Variants in HTR1F observed in about 807,000 individuals in gnomAD.
HTR1F encodes the protein 5-hydroxytryptamine (serotonin) receptor 1F, G protein-coupled.
In HTR1F, 17 loss-of-function variants were observed where a neutral mutation model predicts 24.0. The ratio of observed to expected loss-of-function variants is 0.71; its 90% CI spans 0.48 to 1.06. HTR1F has a LOEUF of 1.06. Ranked by LOEUF, HTR1F falls within the 50% of genes least tolerant of loss-of-function variation. The pLI, the probability that HTR1F is intolerant of heterozygous loss-of-function variation, is 0.00. For missense variants in HTR1F, 391 were observed against 427.8 expected (o/e 0.91, Z 0.76); for synonymous variants, 186 against 156.8 (o/e 1.19, Z -1.39).
At chr3:87,819,088 C>T (rs377292886) in intron 1 of HTR1F, among the ~76,000 whole-genome samples, 3 of 152,204 alleles carry the variant, frequency 2.0e-5, no homozygotes, top group Admixed American at 6.5e-5. Flanking sequence ...AAACACAGTT[C>T]AGTGACTTAT....
chr3:87,823,443 T>A (rs569878593), intron 2 of HTR1F, among the ~76,000 whole-genome samples: 9 of 152,258 alleles, frequency 5.9e-5, no homozygotes, highest in African/African-American at 2.2e-4. Context: ...GTTGGAACAC[T>A]TTAGGAATAC....
intron 2 of HTR1F, among the ~76,000 whole-genome samples, chr3:87,950,872 T>G (rs990548684): frequency 1.3e-5 from 2 of 152,188 alleles, no homozygotes; most frequent in African/African-American, 4.8e-5. Context: ...TAATGTCTAG[T>G]GATAAGCCTT....
At chr3:87,990,403 A>T (rs561188704) in intron 2 of HTR1F, among the ~76,000 whole-genome samples, 2 of 152,210 alleles carry the variant, frequency 1.3e-5, no homozygotes, top group African/African-American at 4.8e-5. Flanking sequence ...TGACATGGAC[A>T]AAGAGAAAAA....
intron 1 of HTR1F, among the ~76,000 whole-genome samples, chr3:87,800,166 G>C (rs1170014351): frequency 2.6e-5 from 4 of 152,074 alleles, no homozygotes; most frequent in Non-Finnish European, 4.4e-5. Context: ...TTAGGTATTA[G>C]TTCTGTCTCA....
chr3:87,828,087 C>A (rs1704501672), intron 2 of HTR1F, among the ~76,000 whole-genome samples: 1 of 152,178 alleles, frequency 6.6e-6, no homozygotes, highest in Non-Finnish European at 1.5e-5. Flanking sequence ...TTGTACTGTT[C>A]TCTCCCATAT....
chr3:87,797,583 A>G (rs1373400253), intron 1 of HTR1F, among the ~76,000 whole-genome samples: 12 of 152,188 alleles, frequency 7.9e-5, no homozygotes, highest in Middle Eastern at 3.2e-3. Context: ...CTGTTTTTAT[A>G]TACTTTAATA....
At chr3:87,826,809 T>C (rs553099894) in intron 2 of HTR1F, among the ~76,000 whole-genome samples, 44 of 152,054 alleles carry the variant, frequency 2.9e-4, no homozygotes, top group Non-Finnish European at 5.4e-4. Flanking sequence ...GTTGCTATCA[T>C]TATTATTATT....
intron 2 of HTR1F, among the ~76,000 whole-genome samples, chr3:87,956,774 AATTATTTGCT>A (rs1253958431): frequency 1.3e-5 from 2 of 151,270 alleles, no homozygotes; most frequent in Non-Finnish European, 3.0e-5. Context: ...TTCATTTACC[AATTATTTGCT>A]ATTATATAAA....
intron 2 of HTR1F, among the ~76,000 whole-genome samples, chr3:87,833,945 C>CTGATTGTCTTT (rs1302367408): frequency 5.3e-5 from 8 of 152,256 alleles, no homozygotes; most frequent in Non-Finnish European, 1.2e-4. Flanking sequence ...AAGTTCACTT[C>CTGATTGTCTTT]TGATTGTCTT....
At chr3:87,945,986 C>T (rs897241500) in intron 2 of HTR1F, among the ~76,000 whole-genome samples, 3 of 152,096 alleles carry the variant, frequency 2.0e-5, no homozygotes, top group African/African-American at 4.8e-5. Flanking sequence ...TCACGGATTA[C>T]AAGGAATGGA....
At chr3:87,846,519 G>GA (rs1013303962) in intron 2 of HTR1F, among the ~76,000 whole-genome samples, 1 of 151,858 alleles carries the variant, frequency 6.6e-6, no homozygotes, top group African/African-American at 2.4e-5. Context: ...TAATAAATGA[G>GA]AAAAATAAGG....
At chr3:87,956,064 C>A (rs1399931125) in intron 2 of HTR1F, among the ~76,000 whole-genome samples, 1 of 151,238 alleles carries the variant, frequency 6.6e-6, no homozygotes, top group Admixed American at 6.6e-5. Flanking sequence ...TTGGTAAAAT[C>A]AAATTTAATG....
At chr3:87,805,448 C>T (rs1009795041) in intron 1 of HTR1F, among the ~76,000 whole-genome samples, 8 of 151,910 alleles carry the variant, frequency 5.3e-5, no homozygotes, top group South Asian at 4.1e-4. Context: ...ATGAGTTCCA[C>T]GCATTTCTTA....
At chr3:87,908,408 C>T (rs1703710102) in intron 2 of HTR1F, among the ~76,000 whole-genome samples, 1 of 151,906 alleles carries the variant, frequency 6.6e-6, no homozygotes, top group African/African-American at 2.4e-5. Context: ...TTCTCGGTAC[C>T]TTATTCCCAG....
intron 2 of HTR1F, among the ~76,000 whole-genome samples, chr3:87,822,477 A>G (rs1287412473): frequency 2.6e-5 from 4 of 152,218 alleles, no homozygotes; most frequent in African/African-American, 4.8e-5. Flanking sequence ...AAATCAGATA[A>G]AAACCTGCAG....
intron 2 of HTR1F, among the ~76,000 whole-genome samples, chr3:87,873,479 A>G (rs1406134886): frequency 1.3e-5 from 2 of 152,156 alleles, no homozygotes; most frequent in Non-Finnish European, 2.9e-5. Flanking sequence ...TCAAGATATA[A>G]TGTATTAGAT....
chr3:87,927,160 T>C (rs1265074275), intron 2 of HTR1F, among the ~76,000 whole-genome samples: 1 of 152,082 alleles, frequency 6.6e-6, no homozygotes, highest in Non-Finnish European at 1.5e-5. Context: ...ATGCCACAAC[T>C]TAAGTGTAGA....
chr3:87,836,247 A>G (rs1166802953), intron 2 of HTR1F, among the ~76,000 whole-genome samples: 1 of 152,228 alleles, frequency 6.6e-6, no homozygotes, highest in African/African-American at 2.4e-5. Context: ...TGAGGTTGTC[A>G]GTAAAGTTAA....
intron 2 of HTR1F, among the ~76,000 whole-genome samples, chr3:87,930,526 C>A (rs1002291560): frequency 6.6e-6 from 1 of 152,160 alleles, no homozygotes; most frequent in Non-Finnish European, 1.5e-5. Flanking sequence ...ACCTTTTCTG[C>A]ATCTACTGAG....
Sources: gnomAD v4.1 joint callset for allele counts (sites outside exome capture counted in the v4.1 genomes callset) on GRCh38, gnomAD v4.1.1 for gene constraint, MANE v1.5 for transcripts, NCBI Gene and HGNC (gene_info 2026-07-23, HGNC 2026-07-21) for gene names.